Variants in PTH2R observed in about 807,000 individuals in gnomAD.
The protein encoded by PTH2R is parathyroid hormone 2 receptor.
PTH2R carries 59 observed loss-of-function variants against 60.3 expected under a neutral mutation model. That is an observed-to-expected ratio of 0.98 (90% CI 0.79 to 1.22). The LOEUF (loss-of-function observed/expected upper bound fraction) is 1.22, where lower values mean the gene tolerates loss of function less well. Among genes scored for constraint, PTH2R ranks in the 50% most tolerant of loss-of-function variants. The pLI is 0.00. For missense variants in PTH2R, 749 were observed against 682.6 expected (o/e 1.10, Z -1.08); for synonymous variants, 256 against 243.8 (o/e 1.05, Z -0.47).
At chr2:208,407,152 C>A in intron 1 of PTH2R, 34 bp downstream of exon 1, 1 of 1,397,516 alleles carries the variant, frequency 7.2e-7, no homozygotes. Context: ...CCTGTTTTCG[C>A]GGAGCCTCCG....
chr2:208,423,064 A>G (rs1046338399), intron 1 of PTH2R, among the ~76,000 whole-genome samples: 2 of 151,134 alleles, frequency 1.3e-5, no homozygotes, highest in Non-Finnish European at 2.9e-5. Context: ...GACAGTCTGC[A>G]TTGTTTTTCT....
chr2:208,389,302 C>A (rs1479495910), intron 1 of PTH2R, among the ~76,000 whole-genome samples: 1 of 151,554 alleles, frequency 6.6e-6, no homozygotes, highest in Non-Finnish European at 1.5e-5. Context: ...ATTGTCTATA[C>A]TCCTTGGTGC....
At chr2:208,446,777 C>T (rs568961507) in intron 7 of PTH2R, among the ~76,000 whole-genome samples, 1 of 152,324 alleles carries the variant, frequency 6.6e-6, no homozygotes, top group East Asian at 1.9e-4. Context: ...GATTGTCTTT[C>T]TCTTATCTCA....
At chr2:208,481,274 A>G in intron 10 of PTH2R, 110 bp downstream of exon 10, 1 of 559,280 alleles carries the variant, frequency 1.8e-6, no homozygotes, top group East Asian at 3.2e-5. Flanking sequence ...GCTGGAGTGC[A>G]ATGGCACAAT....
chr2:208,456,173 CA>C (rs1178461711), intron 8 of PTH2R, among the ~76,000 whole-genome samples: 1 of 151,594 alleles, frequency 6.6e-6, no homozygotes, highest in East Asian at 1.9e-4. Flanking sequence ...ACTGGGGAAG[CA>C]GAGGCTACAG....
chr2:208,410,696 A>G (rs1307522639), intron 1 of PTH2R, among the ~76,000 whole-genome samples: 1 of 152,246 alleles, frequency 6.6e-6, no homozygotes, highest in East Asian at 1.9e-4. Context: ...GATATCATTT[A>G]CATACATTAA....
chr2:208,472,426 T>A (rs1702903761), intron 9 of PTH2R, among the ~76,000 whole-genome samples: 1 of 152,182 alleles, frequency 6.6e-6, no homozygotes, highest in South Asian at 2.1e-4. Context: ...CATCTTGAAT[T>A]CCCACATGTT....
At chr2:208,429,364 G>T (rs1701923944) in intron 2 of PTH2R, among the ~76,000 whole-genome samples, 1 of 151,898 alleles carries the variant, frequency 6.6e-6, no homozygotes, top group Non-Finnish European at 1.5e-5. Flanking sequence ...AAATTCACTG[G>T]ATATTTTTAC....
At chr2:208,453,116 G>A (rs1006894414) in intron 8 of PTH2R, among the ~76,000 whole-genome samples, 1 of 152,150 alleles carries the variant, frequency 6.6e-6, no homozygotes, top group Non-Finnish European at 1.5e-5. Flanking sequence ...TCTTCACTAT[G>A]TCTAGCCTTT....
chr2:208,423,167 G>A (rs186119809), intron 1 of PTH2R, among the ~76,000 whole-genome samples: 148 of 151,362 alleles, frequency 9.8e-4, no homozygotes, highest in African/African-American at 3.4e-3. Context: ...GTAGGTTCTC[G>A]GGGTGGGAGA....
intron 1 of PTH2R, among the ~76,000 whole-genome samples, chr2:208,394,877 T>G (rs1186112625): frequency 1.3e-5 from 2 of 152,126 alleles, no homozygotes; most frequent in East Asian, 3.8e-4. Flanking sequence ...AGTACTGTCT[T>G]AATCAGAGAC....
In PTH2R at chr2:208,450,800, C is replaced by T; in HGVS notation, c.905C>T (p.Ala302Val). Residue 302 changes from alanine to valine, a missense_variant, in exon 8 of 13, where the codon GCT becomes GTT. By Grantham distance (64) the Ala-to-Val change is moderately conservative. Coordinates refer to ENST00000272847, the MANE Select transcript of PTH2R (RefSeq NM_005048.4). ...TGGGCTGTGGCACGAGCAACTCTGG[C>T]TGATGCGAGGTGAGTGAAAAGGCAG... ...AAWAVARATL[A>V]DARCWELSAG... 6.2e-7 allele frequency: 1 copy of T among 1,613,942 alleles called. No homozygotes were observed. The highest frequency in any genetic ancestry group is 2.2e-5 in the East Asian group (1 of 44,880).
At chr2:208,477,353 C>G (rs1346013589) in intron 9 of PTH2R, among the ~76,000 whole-genome samples, 1 of 152,128 alleles carries the variant, frequency 6.6e-6, no homozygotes, top group Non-Finnish European at 1.5e-5. Flanking sequence ...AAAGAAAACT[C>G]CAGGAACCAA....
intron 1 of PTH2R, among the ~76,000 whole-genome samples, chr2:208,376,305 A>G (rs1387452534): frequency 2.0e-5 from 3 of 152,138 alleles, no homozygotes; most frequent in African/African-American, 7.3e-5. Context: ...GAACCAGGGA[A>G]ACTTGAGAAG....
At chr2:208,429,398 A>T (rs905803524) in intron 2 of PTH2R, among the ~76,000 whole-genome samples, 1 of 152,182 alleles carries the variant, frequency 6.6e-6, no homozygotes, top group Non-Finnish European at 1.5e-5. Context: ...AAAATATGTT[A>T]GGAGGTTATT....
In PTH2R at chr2:208,449,822, A is replaced by G. The variant is rs567024809; in HGVS notation, c.854-927A>G. Among the ~76,000 whole-genome samples, 105 of 152,330 alleles carry G rather than the reference A, an allele frequency of 6.9e-4. 1 individual carries two copies. The highest frequency in any genetic ancestry group is 3.4e-3 in the Middle Eastern group (1 of 294). On this transcript the variant is annotated intron_variant, in intron 7 of 12. Transcript: ENST00000272847. Reference sequence around the variant, plus strand: ...TTAAGAATTTAAAGTTATGCTTGATAAAAAATGTTCTTGGCTAGACCAAAA... The same window carrying G: ...TTAAGAATTTAAAGTTATGCTTGATGAAAAATGTTCTTGGCTAGACCAAAA...
At chr2:208,481,623 T>A (rs1241174579) in intron 10 of PTH2R, among the ~76,000 whole-genome samples, 1 of 152,192 alleles carries the variant, frequency 6.6e-6, no homozygotes, top group East Asian at 1.9e-4. Context: ...CATATATATA[T>A]TAAGAAAACA....
intron 1 of PTH2R, among the ~76,000 whole-genome samples, chr2:208,421,361 T>TG (rs919908330): frequency 1.3e-5 from 2 of 150,106 alleles, no homozygotes; most frequent in Non-Finnish European, 3.0e-5. Flanking sequence ...ATTTTCATAT[T>TG]GGGGGTGTGT....
intron 8 of PTH2R, among the ~76,000 whole-genome samples, chr2:208,457,060 G>A (rs1460713059): frequency 6.6e-6 from 1 of 152,164 alleles, no homozygotes; most frequent in South Asian, 2.1e-4. Context: ...TGCCATTAAA[G>A]CAAAGAAAGA....
Sources: gnomAD v4.1 joint callset for allele counts (sites outside exome capture counted in the v4.1 genomes callset) on GRCh38, gnomAD v4.1.1 for gene constraint, MANE v1.5 for transcripts, NCBI Gene and HGNC (gene_info 2026-07-23, HGNC 2026-07-21) for gene names.